The following CCSER1 variants were observed in gnomAD, a reference collection of about 807,000 sequenced individuals.
CCSER1 encodes serine-rich coiled-coil domain-containing protein 1.
Under a neutral mutation model 82.0 loss-of-function variants are expected in CCSER1, and 41 were observed. The observed-to-expected ratio is 0.50, with a 90% CI of 0.39 to 0.65. The LOEUF (loss-of-function observed/expected upper bound fraction) is 0.65. Among genes scored for constraint, CCSER1 ranks in the 30% least tolerant of loss-of-function variants. The pLI, the probability that CCSER1 is intolerant of heterozygous loss-of-function variation, is 0.00. For missense variants in CCSER1, 1,119 were observed against 1,064.2 expected, an observed-to-expected ratio of 1.05 and a Z score of -0.72; for synonymous variants, 414 against 383.9, an observed-to-expected ratio of 1.08 and a Z score of -0.92.
intron 6 of CCSER1, among the ~76,000 whole-genome samples, chr4:90,648,725 C>A (rs1464463636): frequency 6.6e-6 from 1 of 152,198 alleles, no homozygotes; most frequent in African/African-American, 2.4e-5. Flanking sequence ...TGATCTTGGA[C>A]TTCTAGCTCC....
At chr4:90,492,898 T>C (rs915075368) in intron 5 of CCSER1, among the ~76,000 whole-genome samples, 1 of 152,138 alleles carries the variant, frequency 6.6e-6, no homozygotes, top group Non-Finnish European at 1.5e-5. Context: ...TTGTTAAAGC[T>C]TCTATTCTTT....
chr4:91,218,306 G>A (rs1471813293), intron 10 of CCSER1, among the ~76,000 whole-genome samples: 1 of 152,202 alleles, frequency 6.6e-6, no homozygotes, highest in Non-Finnish European at 1.5e-5. Context: ...ACTCCAGCTG[G>A]CCCGCAAGGG....
At chr4:90,491,356 G>A (rs544027590) in intron 5 of CCSER1, among the ~76,000 whole-genome samples, 28 of 152,204 alleles carry the variant, frequency 1.8e-4, no homozygotes, top group East Asian at 1.4e-3. Context: ...TGTGATTTTC[G>A]CACATTGATT....
chr4:91,424,625 A>G (rs1210226831), intron 10 of CCSER1, among the ~76,000 whole-genome samples: 1 of 152,164 alleles, frequency 6.6e-6, no homozygotes, highest in African/African-American at 2.4e-5. Context: ...GGATTATTGT[A>G]TTATATGAGT....
chr4:91,368,759 C>A (rs1749817501), intron 10 of CCSER1, among the ~76,000 whole-genome samples: 1 of 152,126 alleles, frequency 6.6e-6, no homozygotes, highest in Admixed American at 6.6e-5. Context: ...CTATAAAGTT[C>A]ACAAAATATT....
Position 91,560,885 on chromosome 4 carries a change from G to T in CCSER1, c.2218-37687G>T, listed in dbSNP as rs148638455. Among the ~76,000 whole-genome samples, 226 of 151,344 alleles carry T rather than the reference G, an allele frequency of 1.5e-3. 2 individuals carry two copies. The highest frequency in any genetic ancestry group is 5.2e-3 in the African/African-American group (215 of 41,412). On this transcript the variant is annotated intron_variant, in intron 10 of 10. Coordinates refer to ENST00000509176, the MANE Select transcript of CCSER1 (RefSeq NM_001145065.2). ...AATTAAAGAAAAAGTAACATCAAGA[G>T]TGTTCTATCCAGTAGACATCATAGA...
rs1560503017 is a variant in CCSER1, at chr4:90,427,858, CAATGTT to C, written c.1603+27731_1603+27736del. On this transcript the variant is annotated intron_variant, in intron 4 of 10. Coordinates refer to ENST00000509176, the MANE Select transcript of CCSER1 (RefSeq NM_001145065.2). ...AACTATACTCTTAATGATTAGAATG[CAATGTT>C]ATTCAGCCCTATTTTGTAATCTAGC... Among the ~76,000 whole-genome samples, 3 of 151,698 alleles carry C rather than the reference CAATGTT, an allele frequency of 2.0e-5. No individual in the cohort carries two copies. In the East Asian group the frequency reaches 5.8e-4, roughly 29 times the overall value.
chr4:90,219,095 AG>A (rs1175321137), intron 1 of CCSER1, among the ~76,000 whole-genome samples: 2 of 152,190 alleles, frequency 1.3e-5, no homozygotes, highest in Non-Finnish European at 2.9e-5. Context: ...AAAGAACAGG[AG>A]TTGAAAGATC....
chr4:91,235,083 T>C (rs1294972331), intron 10 of CCSER1, among the ~76,000 whole-genome samples: 1 of 152,092 alleles, frequency 6.6e-6, no homozygotes, highest in African/African-American at 2.4e-5. Context: ...ACCCTTGTGA[T>C]TCAACATAAG....
At chr4:91,165,124 T>A (rs991402892) in intron 10 of CCSER1, among the ~76,000 whole-genome samples, 1 of 152,214 alleles carries the variant, frequency 6.6e-6, no homozygotes, top group Non-Finnish European at 1.5e-5. Flanking sequence ...TTGGTTCGGA[T>A]GTCCTTTTTG....
intron 10 of CCSER1, among the ~76,000 whole-genome samples, chr4:91,183,994 G>C (rs940393857): frequency 2.0e-5 from 3 of 152,168 alleles, no homozygotes; most frequent in Non-Finnish European, 2.9e-5. Flanking sequence ...GTTACTTTCT[G>C]TGGCACAATG....
intron 4 of CCSER1, among the ~76,000 whole-genome samples, chr4:90,413,573 C>T (rs1211536029): frequency 1.3e-5 from 2 of 152,038 alleles, no homozygotes; most frequent in Admixed American, 1.3e-4. Context: ...CAGCATGGTA[C>T]TGGTATAAAA....
At chr4:90,720,265 C>G (rs1404359839) in intron 6 of CCSER1, among the ~76,000 whole-genome samples, 1 of 149,990 alleles carries the variant, frequency 6.7e-6, no homozygotes, top group Non-Finnish European at 1.5e-5. Flanking sequence ...GCCATTTCTC[C>G]TAGGAGCCCT....
In CCSER1 at chr4:91,316,868, G is replaced by T. The variant is rs548669065; in HGVS notation, c.2217+230874G>T. Among the ~76,000 whole-genome samples the T allele has an allele frequency of 8.5e-5, 13 of 152,078 alleles. No individual in the cohort carries two copies. In the East Asian group the frequency reaches 2.1e-3, roughly 25 times the overall value. ...AGAAATAAAGAGTGGAATGGTGATT[G>T]CCAGAGGCTGGTGGCAGAAGATGGA... On this transcript the variant is annotated intron_variant, in intron 10 of 10. Transcript: ENST00000509176.
chr4:91,499,428 C>G (rs2110089943), intron 10 of CCSER1, among the ~76,000 whole-genome samples: 1 of 152,038 alleles, frequency 6.6e-6, no homozygotes, highest in African/African-American at 2.4e-5. Flanking sequence ...TGTGGACATC[C>G]TGTAACACAG....
intron 5 of CCSER1, among the ~76,000 whole-genome samples, chr4:90,476,350 A>T (rs960796462): frequency 2.0e-5 from 3 of 152,030 alleles, no homozygotes; most frequent in African/African-American, 7.3e-5. Flanking sequence ...CCTCTGGAGG[A>T]CCACATAACG....
At chr4:90,264,798 T>G (rs1295018270) in intron 1 of CCSER1, among the ~76,000 whole-genome samples, 1 of 152,128 alleles carries the variant, frequency 6.6e-6, no homozygotes, top group Non-Finnish European at 1.5e-5. Context: ...TCTGGATTAT[T>G]AAGGTTATCT....
At chr4:90,337,902 T>C (rs1294656884) in intron 3 of CCSER1, among the ~76,000 whole-genome samples, 1 of 152,224 alleles carries the variant, frequency 6.6e-6, no homozygotes, top group African/African-American at 2.4e-5. Context: ...GCTGGGATTT[T>C]CTCTTTCTTC....
chr4:91,082,021 TC>T (rs1327375102), intron 9 of CCSER1, among the ~76,000 whole-genome samples: 9 of 152,286 alleles, frequency 5.9e-5, no homozygotes, highest in Admixed American at 5.2e-4. Context: ...GCCATCCCCA[TC>T]AAGCTACCAA....
Sources: gnomAD v4.1 joint callset for allele counts (sites outside exome capture counted in the v4.1 genomes callset) on GRCh38, gnomAD v4.1.1 for gene constraint, MANE v1.5 for transcripts, NCBI Gene and HGNC (gene_info 2026-07-23, HGNC 2026-07-21) for gene names.